PACRG: variants seen among roughly 807,000 people sequenced by gnomAD.
PACRG encodes parkin coregulated.
A neutral mutation model predicts 29.7 loss-of-function variants in PACRG; 29 were observed. The ratio of observed to expected loss-of-function variants is 0.98; its 90% CI spans 0.73 to 1.33. The LOEUF (loss-of-function observed/expected upper bound fraction) is 1.33, where lower values mean the gene tolerates loss of function less well. Ranked by LOEUF, PACRG falls within the 40% of genes most tolerant of loss-of-function variation. The pLI, the probability that PACRG is intolerant of heterozygous loss-of-function variation, is 0.00. For missense variants in PACRG, 279 were observed against 316.2 expected, an observed-to-expected ratio of 0.88 and a Z score of 0.89; for synonymous variants, 116 against 118.7, an observed-to-expected ratio of 0.98 and a Z score of 0.15.
intron 2 of PACRG, among the ~76,000 whole-genome samples, chr6:162,894,693 T>C (rs1242935390): frequency 6.6e-6 from 1 of 152,208 alleles, no homozygotes; most frequent in African/African-American, 2.4e-5. Flanking sequence ...GATGAACGTG[T>C]TATAATTAGG....
chr6:162,974,695 A>G (rs1001712592), intron 2 of PACRG, among the ~76,000 whole-genome samples: 1 of 152,238 alleles, frequency 6.6e-6, no homozygotes, highest in African/African-American at 2.4e-5. Context: ...TTGCTAACAC[A>G]TATCATGCTT....
intron 4 of PACRG, among the ~76,000 whole-genome samples, chr6:163,265,567 G>GTA (rs1228915402): frequency 6.6e-6 from 1 of 152,174 alleles, no homozygotes; most frequent in African/African-American, 2.4e-5. Context: ...AGTCGCTGAT[G>GTA]TATATATAAT....
intron 3 of PACRG, among the ~76,000 whole-genome samples, chr6:163,079,778 G>A (rs1353815366): frequency 6.6e-6 from 1 of 151,628 alleles, no homozygotes; most frequent in Non-Finnish European, 1.5e-5. Flanking sequence ...CTTGTTTTGT[G>A]AAGAGCCTGT....
At chr6:162,968,115 A>G (rs1801204340) in intron 2 of PACRG, among the ~76,000 whole-genome samples, 1 of 152,136 alleles carries the variant, frequency 6.6e-6, no homozygotes, top group East Asian at 1.9e-4. Flanking sequence ...TAATTAATTA[A>G]GTAGGTGAAT....
chr6:163,267,232 G>A (rs951148036), intron 4 of PACRG, among the ~76,000 whole-genome samples: 1 of 152,184 alleles, frequency 6.6e-6, no homozygotes, highest in African/African-American at 2.4e-5. Context: ...TCTTCCATGA[G>A]CTCTGGGCTT....
chr6:162,985,292 C>T (rs1230396451), intron 2 of PACRG, among the ~76,000 whole-genome samples: 2 of 151,852 alleles, frequency 1.3e-5, no homozygotes, highest in African/African-American at 4.8e-5. Context: ...TGAACATAGA[C>T]ACGAAAATCC....
At chr6:162,901,920 C>G (rs917665916) in intron 2 of PACRG, among the ~76,000 whole-genome samples, 1 of 152,218 alleles carries the variant, frequency 6.6e-6, no homozygotes, top group African/African-American at 2.4e-5. Context: ...AAGGTCATTA[C>G]TTGGTGACAA....
At chr6:163,075,551 C>A (rs1403494431) in intron 3 of PACRG, among the ~76,000 whole-genome samples, 2 of 152,030 alleles carry the variant, frequency 1.3e-5, no homozygotes, top group Non-Finnish European at 2.9e-5. Context: ...AATGATAATA[C>A]CTCATGACAA....
intron 3 of PACRG, among the ~76,000 whole-genome samples, chr6:163,083,415 A>G (rs1224400968): frequency 6.6e-6 from 1 of 152,088 alleles, no homozygotes; most frequent in Admixed American, 6.5e-5. Context: ...TCCAGACCAA[A>G]CCAATGTACA....
At chr6:163,046,726 C>A (rs1044176541) in intron 2 of PACRG, 1 of 152,138 alleles carries the variant, frequency 6.6e-6, no homozygotes, top group African/African-American at 2.4e-5. Flanking sequence ...TTCTCTAACA[C>A]ACTTTCCTTT....
chr6:163,042,874 G>C (rs1326604317), intron 2 of PACRG: 2 of 149,962 alleles, frequency 1.3e-5, no homozygotes, highest in Admixed American at 6.7e-5. Context: ...TATTTAATCA[G>C]CTTATATATG....
Position 163,276,008 on chromosome 6 carries a change from C to CTTCCTTCTTTCTTTCTTTCT in PACRG, c.614-38816_614-38815insCTTCTTTCTTTCTTTCTTTC, listed in dbSNP as rs1554239015. Among the ~76,000 whole-genome samples, 37 of 140,684 alleles carry CTTCCTTCTTTCTTTCTTTCT rather than the reference C, an allele frequency of 2.6e-4. 1 individual carries two copies. The highest frequency in any genetic ancestry group is 9.6e-4 in the African/African-American group (34 of 35,550). 92.3% of individuals were successfully genotyped at this position (140,684 alleles called of 152,430 possible). ...TTCTCTTTCCTTCCTTCCTTCCTTC[C>CTTCCTTCTTTCTTTCTTTCT]TTCTTTCTTTCTTTCTTTCTTTCTT... On this transcript the variant is annotated intron_variant, in intron 4 of 4. Transcript: ENST00000366888.
chr6:162,947,655 A>C (rs1799344813), intron 2 of PACRG, among the ~76,000 whole-genome samples: 2 of 69,508 alleles, frequency 2.9e-5, no homozygotes, highest in East Asian at 3.8e-4. Context: ...TATACACCCA[A>C]AGATTCCACC....
At chr6:163,219,557 A>G (rs1040223871) in intron 4 of PACRG, among the ~76,000 whole-genome samples, 6 of 152,122 alleles carry the variant, frequency 3.9e-5, no homozygotes, top group East Asian at 1.9e-4. Flanking sequence ...ATACCTCCCA[A>G]TGGTTTCTCA....
chr6:163,157,578 A>C (rs1778376135), intron 4 of PACRG, among the ~76,000 whole-genome samples: 1 of 152,194 alleles, frequency 6.6e-6, no homozygotes, highest in Non-Finnish European at 1.5e-5. Context: ...AACGCACATT[A>C]GGCTGCAGAG....
At chr6:162,851,861 T>A (rs969650361) in intron 2 of PACRG, among the ~76,000 whole-genome samples, 12 of 151,638 alleles carry the variant, frequency 7.9e-5, no homozygotes. Context: ...TTTGAAATGG[T>A]GTCCATCTAC....
intron 2 of PACRG, among the ~76,000 whole-genome samples, chr6:163,024,691 T>C (rs1806954841): frequency 6.6e-6 from 1 of 151,330 alleles, no homozygotes; most frequent in Non-Finnish European, 1.5e-5. Context: ...TATTGATTCC[T>C]CCAATCCATG....
chr6:163,151,475 A>C (rs897030428), intron 4 of PACRG, among the ~76,000 whole-genome samples: 1 of 152,146 alleles, frequency 6.6e-6, no homozygotes, highest in African/African-American at 2.4e-5. Flanking sequence ...GCCTCCCACT[A>C]AACAAATAAG....
At chr6:163,199,009 C>A (rs1435193636) in intron 4 of PACRG, among the ~76,000 whole-genome samples, 1 of 152,160 alleles carries the variant, frequency 6.6e-6, no homozygotes, top group African/African-American at 2.4e-5. Context: ...TTCTGATGAG[C>A]CTCTCCAAAG....
Sources: gnomAD v4.1 joint callset for allele counts (sites outside exome capture counted in the v4.1 genomes callset) on GRCh38, gnomAD v4.1.1 for gene constraint, MANE v1.5 for transcripts, NCBI Gene and HGNC (gene_info 2026-07-23, HGNC 2026-07-21) for gene names.